EPRS1: variants seen among roughly 807,000 people sequenced by gnomAD.
EPRS1 encodes bifunctional glutamate/proline--tRNA ligase.
A neutral mutation model predicts 188.3 loss-of-function variants in EPRS1; 107 were observed. That is an observed-to-expected ratio of 0.57 (90% CI 0.49 to 0.67). The LOEUF is 0.67. Among genes scored for constraint, EPRS1 ranks in the 30% least tolerant of loss-of-function variants. EPRS1 has a pLI of 0.00. For missense variants in EPRS1, 1,577 were observed against 1,802.2 expected (o/e 0.88, Z 2.26); for synonymous variants, 596 against 593.1 (o/e 1.00, Z -0.07).
At chr1:220,033,348 G>C (rs2577137) in intron 4 of EPRS1, among the ~76,000 whole-genome samples, 154 bp downstream of exon 4, 95,502 of 152,002 alleles carry the variant, frequency 0.63, 31,879 homozygotes, top group Non-Finnish European at 0.75. Flanking sequence ...AACAGCCAGG[G>C]AGGTCATTCC....
intron 26 of EPRS1, 43 bp downstream of exon 26, chr1:219,980,042 T>C (rs749001631): frequency 6.4e-7 from 1 of 1,569,478 alleles, no homozygotes; most frequent in African/African-American, 1.4e-5. Flanking sequence ...GTCCATGGAC[T>C]GTGCTTACAG....
rs1283481750 is a variant in EPRS1 at position 219,973,398 on chromosome 1, C to A, written c.4084G>T (p.Gly1362Ter). 6.2e-7 allele frequency: 1 copy of A among 1,600,032 alleles called. No homozygotes were observed. The highest frequency in any genetic ancestry group is 1.7e-4 in the Middle Eastern group (1 of 5,986). The change falls in exon 29 of 32, where the codon GGA (glycine) becomes TGA (stop). Residue 1362 changes from glycine to a stop codon, truncating the protein, a stop_gained and splice_region_variant. Coordinates refer to ENST00000366923, the MANE Select transcript of EPRS1 (RefSeq NM_004446.3). LOFTEE classifies it high-confidence loss of function. ...GWKFNHWELK[G>*]VPIRLEVGPR... is the part of the protein sequence containing the mutation. ...CCAACTTCAAGTCTAATGGGAACTCCCTATAAGATAAAAAAGGCAGTTAAA... is the reference window on the plus strand; with the variant it reads ...CCAACTTCAAGTCTAATGGGAACTCACTATAAGATAAAAAAGGCAGTTAAA...
At position 219,993,993 on chromosome 1, in the gene EPRS1, G is replaced by A. The variant is rs553358776; in HGVS notation, c.2541+2990C>T. 1.4e-4 allele frequency among the ~76,000 whole-genome samples: 21 copies of A among 152,272 alleles called. No individual in the cohort carries two copies. The South Asian group carries it at 4.4e-3, about 32-fold the overall frequency. On this transcript the variant is annotated intron_variant, in intron 18 of 31. Coordinates refer to ENST00000366923, the MANE Select transcript of EPRS1 (RefSeq NM_004446.3). Reference sequence around the variant, plus strand: ...CGTTCCATTCCTAGTAACTGGGTTCGTTCTTTAGAAGAGAAGAAACATTTA... The same window carrying A: ...CGTTCCATTCCTAGTAACTGGGTTCATTCTTTAGAAGAGAAGAAACATTTA...
chr1:220,037,382 G>A (rs1265855942), intron 2 of EPRS1, among the ~76,000 whole-genome samples: 1 of 151,706 alleles, frequency 6.6e-6, no homozygotes, highest in Non-Finnish European at 1.5e-5. Context: ...GCACATGCCT[G>A]TAATCCCAGC....
chr1:220,020,262 T>C (rs749370731), intron 9 of EPRS1, 41 bp from the exon 10 acceptor site: 1 of 1,266,450 alleles, frequency 7.9e-7, no homozygotes, highest in Non-Finnish European at 1.1e-6. Flanking sequence ...CATTTTACCC[T>C]TTCCCTCTTA....
intron 30 of EPRS1, among the ~76,000 whole-genome samples, chr1:219,971,791 T>C (rs1240222362): frequency 5.5e-5 from 3 of 54,880 alleles, no homozygotes; most frequent in Non-Finnish European, 8.4e-5. Flanking sequence ...AGACTATATA[T>C]ATATACATAT....
rs1340274743 is a variant in EPRS1 at position 219,982,599 on chromosome 1, G to C, written c.3373+173C>G. On this transcript the variant is annotated intron_variant, in intron 23 of 31. Coordinates refer to ENST00000366923, the MANE Select transcript of EPRS1 (RefSeq NM_004446.3). ...ATAAGGAGCTCTACAATGAATATTA[G>C]AGAATAAAACTCTAGACAACTTAAG... 8 of 515,168 alleles carry C rather than the reference G, an allele frequency of 1.6e-5. 1 individual carries two copies. The Admixed American group carries it at 2.9e-4, about 18-fold the overall frequency. 31.9% of individuals were successfully genotyped at this position (515,168 alleles called of 1,614,324 possible). A position where few individuals can be genotyped will look rare whatever the true frequency, so the allele number is the denominator to read the frequency against.
chr1:220,025,923 T>C (rs563274393), intron 6 of EPRS1, among the ~76,000 whole-genome samples: 68 of 151,846 alleles, frequency 4.5e-4, no homozygotes, highest in African/African-American at 1.6e-3. Flanking sequence ...GCCCCCCAAA[T>C]AGCTGGGACT....
At position 220,025,310 on chromosome 1, in the gene EPRS1, AC is replaced by A. The variant is rs775756937; in HGVS notation, c.624-53del. On this transcript the variant is annotated intron_variant, in intron 6 of 31. Transcript: ENST00000366923. ...ACTCATTAACATGTTTTAACTAAATACTTAAACTTAACCTTTTTGAGGAGAT... is the reference window on the plus strand; with the variant it reads ...ACTCATTAACATGTTTTAACTAAATATTAAACTTAACCTTTTTGAGGAGAT... The A allele has an allele frequency of 4.2e-6, 6 of 1,415,682 alleles. No individual in the cohort carries two copies. The South Asian group carries it at 8.3e-5, about 20-fold the overall frequency. 87.7% of individuals were successfully genotyped at this position (1,415,682 alleles called of 1,614,324 possible). A position where few individuals can be genotyped will look rare whatever the true frequency, so the allele number is the denominator to read the frequency against.
intron 8 of EPRS1, among the ~76,000 whole-genome samples, chr1:220,022,921 T>G (rs1661905861): frequency 6.6e-6 from 1 of 152,164 alleles, no homozygotes; most frequent in Non-Finnish European, 1.5e-5. Flanking sequence ...GCATTCTTAT[T>G]TTGCCACCTC....
At chr1:219,973,847 C>T (rs1660718781) in intron 28 of EPRS1, among the ~76,000 whole-genome samples, 1 of 152,152 alleles carries the variant, frequency 6.6e-6, no homozygotes, top group African/African-American at 2.4e-5. Flanking sequence ...TTATCTTTAG[C>T]ATGCATTATG....
At position 219,988,733 on chromosome 1, in the gene EPRS1, G is replaced by C. The variant is rs553624957; in HGVS notation, c.2632C>G (p.Pro878Ala). ...TGKEYIPGQP[P>A]LSQSSDSSPT... ...CTTGAATCCGAACTTTGAGATAATG[G>C]GGGCTGACCAGGTATGTACTCCTTC... Residue 878 changes from proline (P) to alanine (A), a missense_variant, in exon 19 of 32, where the codon CCA becomes GCA. Physicochemically the swap from Pro to Ala is conservative, Grantham distance 27. Around this residue, in one of 3 missense-constraint regions of EPRS1, gnomAD observed 1,278 missense variants for 1,457.4 expected, o/e 0.88. Transcript: ENST00000366923. The C allele has an allele frequency of 5.0e-6, 8 of 1,613,838 alleles. No homozygotes were observed. The African/African-American group carries it at 8.0e-5, about 16-fold the overall frequency.
rs760289136 is a variant in EPRS1, at chr1:220,025,035, G to A, written c.750+97C>T. ...TATAGATAGGGAAAAAAGCAGCTAT[G>A]AGAACAAAATTTATTTTCATACCAT... On this transcript the variant is annotated intron_variant, in intron 7 of 31. Coordinates refer to ENST00000366923, the MANE Select transcript of EPRS1 (RefSeq NM_004446.3). 5.7e-6 allele frequency: 7 copies of A among 1,224,322 alleles called. No homozygotes were observed. The African/African-American group carries it at 1.0e-4, about 18-fold the overall frequency. 75.8% of individuals were successfully genotyped at this position (1,224,322 alleles called of 1,614,324 possible).
chr1:220,031,974 A>C (rs1459770952), intron 5 of EPRS1, among the ~76,000 whole-genome samples: 1 of 152,208 alleles, frequency 6.6e-6, no homozygotes, highest in East Asian at 1.9e-4. Context: ...TAAAAATGTC[A>C]GATTCTTGCA....
intron 1 of EPRS1, among the ~76,000 whole-genome samples, chr1:220,045,369 T>TG (rs144697115): frequency 0.012 from 1,868 of 152,186 alleles, 14 homozygotes; most frequent in Admixed American, 0.019. Context: ...CCAGGCATGG[T>TG]GGCACGCGCC....
Position 220,030,442 on chromosome 1 carries a change from C to T in EPRS1, c.567G>A (p.Glu189=), listed in dbSNP as rs1384442928. ...CCTTTCCCATCTCCGCACCTGGAAG[C>T]TCAACAAATTTCCCAACATCTTGCT... ...EKKQDVGKFV[E]LPGAEMGKVT... Residue 189 remains glutamate, a synonymous_variant, in exon 6 of 32, where the codon GAG becomes GAA. Coordinates refer to ENST00000366923, the MANE Select transcript of EPRS1 (RefSeq NM_004446.3). The T allele has an allele frequency of 6.2e-7, 1 of 1,614,138 alleles. No homozygotes were observed. The highest frequency in any genetic ancestry group is 8.5e-7 in the Non-Finnish European group (1 of 1,179,998).
intron 11 of EPRS1, 93 bp downstream of exon 11, chr1:220,018,902 G>T: frequency 1.4e-6 from 1 of 709,502 alleles, no homozygotes; most frequent in Non-Finnish European, 2.2e-6. Flanking sequence ...ACAAGGAATA[G>T]AAAGAACAAC....
chr1:220,023,067 C>G (rs1164244018), intron 8 of EPRS1, among the ~76,000 whole-genome samples: 1 of 152,100 alleles, frequency 6.6e-6, no homozygotes, highest in African/African-American at 2.4e-5. Flanking sequence ...CCTTCATCAT[C>G]CCAATGAGAA....
intron 18 of EPRS1, among the ~76,000 whole-genome samples, chr1:219,992,571 C>A (rs1661143738): frequency 6.6e-6 from 1 of 152,176 alleles, no homozygotes. Flanking sequence ...TCAACTCTAA[C>A]TGTAGCATGA....
Sources: gnomAD v4.1 joint callset for allele counts (sites outside exome capture counted in the v4.1 genomes callset) on GRCh38, gnomAD v4.1.1 for gene constraint, gnomAD v4.1.1 regional missense constraint, MANE v1.5 for transcripts, NCBI Gene and HGNC (gene_info 2026-07-23, HGNC 2026-07-21) for gene names.